The following CBX1 variants were observed in gnomAD, a reference collection of about 807,000 sequenced individuals.
CBX1 encodes chromobox 1.
A neutral mutation model predicts 25.1 loss-of-function variants in CBX1; 10 were observed. The ratio of observed to expected loss-of-function variants is 0.40; its 90% confidence interval spans 0.25 to 0.68. The LOEUF is 0.68. CBX1 is among the 30% of genes least tolerant of loss of function. The pLI, the probability that CBX1 is intolerant of heterozygous loss-of-function variation, is 0.40. For missense variants in CBX1, 106 were observed against 218.5 expected, an observed-to-expected ratio of 0.49 and a Z score of 3.25; for synonymous variants, 63 against 79.4, an observed-to-expected ratio of 0.79 and a Z score of 1.10.
At chr17:48,085,571 AAAAC>A (rs1481163787) in intron 1 of CBX1, among the ~76,000 whole-genome samples, 1 of 152,068 alleles carries the variant, frequency 6.6e-6, no homozygotes. Flanking sequence ...TAAAAAAAAA[AAAAC>A]AATGATTTTT....
intron 1 of CBX1, chr17:48,100,755 C>A: frequency 1.0e-6 from 1 of 985,518 alleles, no homozygotes; most frequent in Non-Finnish European, 1.2e-6. Flanking sequence ...ATCAGCACAC[C>A]TTGTGCGGCC....
intron 4 of CBX1, among the ~76,000 whole-genome samples, chr17:48,073,459 A>G (rs1237220710): frequency 1.3e-5 from 2 of 152,144 alleles, no homozygotes; most frequent in Admixed American, 6.5e-5. Context: ...ATATACAAAA[A>G]TCTCTATTCT....
chr17:48,100,635 G>A (rs1477356606), intron 1 of CBX1: 4 of 752,300 alleles, frequency 5.3e-6, no homozygotes, highest in Non-Finnish European at 6.5e-6. Flanking sequence ...CGGGATCTCC[G>A]CCCTACTTAT....
chr17:48,092,547 G>T (rs1457754408), intron 1 of CBX1, among the ~76,000 whole-genome samples: 1 of 150,572 alleles, frequency 6.6e-6, no homozygotes, highest in Non-Finnish European at 1.5e-5. Flanking sequence ...TCCACCTCCC[G>T]GGTTCAAGGG....
Position 48,093,515 on chromosome 17 carries a change from T to C in CBX1, c.-38+7753A>G, listed in dbSNP as rs1255479599. ...AGTTTGAAACCAGGCTTTACTAGCATTTGAAAAGGTGTACTGGTAGGGCAA... is the reference window on the plus strand; with the variant it reads ...AGTTTGAAACCAGGCTTTACTAGCACTTGAAAAGGTGTACTGGTAGGGCAA... On this transcript the variant is annotated intron_variant, in intron 1 of 4. Transcript: ENST00000225603. Among the ~76,000 whole-genome samples the C allele has an allele frequency of 3.3e-5, 5 of 152,116 alleles. No individual in the cohort carries two copies. In the East Asian group the frequency reaches 9.6e-4, roughly 29 times the overall value.
intron 4 of CBX1, 88 bp downstream of exon 4, chr17:48,074,918 G>A (rs2037659973): frequency 4.3e-6 from 4 of 939,878 alleles, no homozygotes; most frequent in Non-Finnish European, 6.9e-6. Flanking sequence ...TGGGTGATTG[G>A]AATTTCGAAG....
In CBX1 at chr17:48,082,928, G is replaced by A. The variant is rs968217837; in HGVS notation, c.-37-5887C>T. On this transcript the variant is annotated intron_variant, in intron 1 of 4. Coordinates refer to ENST00000225603, the MANE Select transcript of CBX1 (RefSeq NM_001127228.2). Reference sequence around the variant, plus strand: ...GTCACCCAGGCTGGAGTGCAACAACGCGATCTCAGCTCACCACCACCTCGG... The same window carrying A: ...GTCACCCAGGCTGGAGTGCAACAACACGATCTCAGCTCACCACCACCTCGG... Among the ~76,000 whole-genome samples, 143 of 143,102 alleles carry A rather than the reference G, an allele frequency of 1.0e-3. 15 individuals carry two copies. Among genetic ancestry groups the A allele is most frequent in the African/African-American group, 3.7e-3 (134 of 36,334 alleles). 93.9% of individuals were successfully genotyped at this position (143,102 alleles called of 152,430 possible).
chr17:48,087,747 A>G (rs1348979905), intron 1 of CBX1, among the ~76,000 whole-genome samples: 1 of 150,378 alleles, frequency 6.6e-6, no homozygotes, highest in Non-Finnish European at 1.5e-5. Flanking sequence ...TGGCACACGC[A>G]TGTAGTCCTA....
chr17:48,093,460 G>A (rs559083068), intron 1 of CBX1, among the ~76,000 whole-genome samples: 15 of 152,262 alleles, frequency 9.9e-5, no homozygotes, highest in Admixed American at 7.2e-4. Flanking sequence ...AAGAACTGGC[G>A]AGGGCATCAG....
chr17:48,077,472 G>A, intron 1 of CBX1, among the ~76,000 whole-genome samples: 1 of 121,796 alleles, frequency 8.2e-6, no homozygotes, highest in African/African-American at 3.7e-5. Context: ...TTTTTTAGTA[G>A]AGACGGGATT....
rs2063406474 is a variant in CBX1, at chr17:48,100,988, C to A, written c.-38+280G>T. 4.1e-6 allele frequency: 4 copies of A among 985,960 alleles called. No individual in the cohort carries two copies. The South Asian group carries it at 1.4e-4, about 35-fold the overall frequency. 61.1% of individuals were successfully genotyped at this position (985,960 alleles called of 1,614,324 possible). ...GCAACATTGTTCCAGACCACCCGGG[C>A]CCCGAAGAGCGGCCCCCAAGTGCTC... On this transcript the variant is annotated intron_variant, in intron 1 of 4. Coordinates refer to ENST00000225603, the MANE Select transcript of CBX1 (RefSeq NM_001127228.2).
At chr17:48,097,803 T>G (rs2144475822) in intron 1 of CBX1, among the ~76,000 whole-genome samples, 1 of 152,306 alleles carries the variant, frequency 6.6e-6, no homozygotes, top group Non-Finnish European at 1.5e-5. Context: ...ATCTAAATTT[T>G]GTCCATATCT....
intron 1 of CBX1, among the ~76,000 whole-genome samples, chr17:48,097,008 T>G (rs973282598): frequency 1.3e-5 from 2 of 151,584 alleles, no homozygotes; most frequent in Non-Finnish European, 2.9e-5. Context: ...CTCTGCACTT[T>G]GGAGGCCAAG....
chr17:48,074,911 G>C (rs2037659858), intron 4 of CBX1, 95 bp downstream of exon 4: 1 of 880,300 alleles, frequency 1.1e-6, no homozygotes, highest in Non-Finnish European at 1.9e-6. Flanking sequence ...TCACACTTGG[G>C]TGATTGGAAT....
intron 3 of CBX1, among the ~76,000 whole-genome samples, 163 bp from the exon 4 acceptor site, chr17:48,075,263 C>A (rs1331067581): frequency 6.6e-6 from 1 of 150,838 alleles, no homozygotes; most frequent in Non-Finnish European, 1.5e-5. Context: ...GGTGCGATCT[C>A]GGCTCACTGC....
In CBX1 at chr17:48,077,430, G is replaced by GTTTTTTTTT. The variant is rs1225892452; in HGVS notation, c.-37-390_-37-389insAAAAAAAAA. Among the ~76,000 whole-genome samples the GTTTTTTTTT allele has an allele frequency of 1.4e-3, 78 of 56,392 alleles. 1 individual carries two copies. Among genetic ancestry groups the GTTTTTTTTT allele is most frequent in the Middle Eastern group, 8.2e-3 (1 of 122 alleles). The allele number at this position is 56,392 out of a possible 152,430, so 37.0% of individuals were successfully genotyped here. On this transcript the variant is annotated intron_variant, in intron 1 of 4. Transcript: ENST00000225603. ...GTGCCACCAAGCCCAGCTAATTTTT[G>GTTTTTTTTT]TTGTTTTTTTTTTTGTTTTTTTTGT...
intron 1 of CBX1, among the ~76,000 whole-genome samples, chr17:48,082,161 G>A (rs1214412225): frequency 6.6e-6 from 1 of 151,992 alleles, no homozygotes; most frequent in African/African-American, 2.4e-5. Flanking sequence ...AGCTGTGATT[G>A]TGCCACTGCA....
intron 1 of CBX1, among the ~76,000 whole-genome samples, chr17:48,094,818 G>A (rs910409121): frequency 3.0e-4 from 46 of 151,406 alleles, no homozygotes; most frequent in Non-Finnish European, 5.0e-4. Context: ...AAGTCGAGGC[G>A]GGTGGATCAC....
intron 1 of CBX1, among the ~76,000 whole-genome samples, chr17:48,079,843 T>C (rs1468406608): frequency 6.6e-6 from 1 of 152,188 alleles, no homozygotes; most frequent in Non-Finnish European, 1.5e-5. Context: ...AGAATGATCA[T>C]GAAATTCTCT....
Sources: gnomAD v4.1 joint callset for allele counts (sites outside exome capture counted in the v4.1 genomes callset) on GRCh38, gnomAD v4.1.1 for gene constraint, MANE v1.5 for transcripts, NCBI Gene and HGNC (gene_info 2026-07-23, HGNC 2026-07-21) for gene names.